Variants in BCL9L observed in about 807,000 individuals in gnomAD.
The protein encoded by BCL9L is BCL9 like.
In BCL9L, 19 loss-of-function variants were observed where a neutral mutation model predicts 99.4. The ratio of observed to expected loss-of-function variants is 0.19; its 90% CI spans 0.13 to 0.28. The LOEUF (loss-of-function observed/expected upper bound fraction) is 0.28, where lower values mean the gene tolerates loss of function less well. Ranked by LOEUF, BCL9L falls within the 10% of genes least tolerant of loss-of-function variation. The pLI is 1.00. For missense variants in BCL9L, 2,023 were observed against 2,101.6 expected, an observed-to-expected ratio of 0.96 and a Z score of 0.73; for synonymous variants, 900 against 854.8, an observed-to-expected ratio of 1.05 and a Z score of -0.92.
chr11:118,913,160 TCCC>T lies in BCL9L; in HGVS notation c.-76-3148_-76-3146del, dbSNP rs565850480. On this transcript the variant is annotated intron_variant, in intron 2 of 9. Transcript: ENST00000683865. ...CTGGTTCCTAGTAGCTCTCCACACTTCCCCCGACTCTGTGCCAAAGGAGACCAT... is the reference window on the plus strand; with the variant it reads ...CTGGTTCCTAGTAGCTCTCCACACTTCCGACTCTGTGCCAAAGGAGACCAT... 5.1e-3 allele frequency among the ~76,000 whole-genome samples: 775 copies of T among 152,196 alleles called. 1 individual carries two copies. The highest frequency in any genetic ancestry group is 0.017 in the Middle Eastern group (5 of 292).
intron 1 of BCL9L, among the ~76,000 whole-genome samples, chr11:118,923,849 GTC>G (rs1175272715): frequency 1.3e-5 from 2 of 152,194 alleles, no homozygotes; most frequent in Non-Finnish European, 2.9e-5. Flanking sequence ...CAGCCTCCCA[GTC>G]TCTCTCCCTG....
rs748737974 is a variant in BCL9L, at chr11:118,902,816, C to T, written c.927G>A (p.Pro309=). Residue 309 remains proline, a synonymous_variant, in exon 8 of 10, where the codon CCG becomes CCA. Coordinates refer to ENST00000683865, the MANE Select transcript of BCL9L (RefSeq NM_001378213.1). The surrounding 1 kb of genome is among the most constrained non-coding windows in gnomAD (Gnocchi z 7.8). ...GGGCACTGCCAGGGGCCGGGGGTGG[C>T]GGCGGCGGCAGTGGAGGTGGCTGGG... ...PQSQPPPLPP[P]PPPAPGSAPP... 16 of 1,547,216 alleles carry T rather than the reference C, an allele frequency of 1.0e-5. No homozygotes were observed. Among genetic ancestry groups the T allele is most frequent in the Middle Eastern group, 1.7e-4 (1 of 5,790 alleles).
intron 1 of BCL9L, among the ~76,000 whole-genome samples, chr11:118,919,294 G>A (rs1300526814): frequency 1.3e-5 from 2 of 151,608 alleles, no homozygotes; most frequent in South Asian, 4.2e-4. Flanking sequence ...GGGGAGGTTG[G>A]AGGACCCCAG....
chr11:118,905,161 AC>A (rs1940454124), intron 5 of BCL9L, among the ~76,000 whole-genome samples: 1 of 152,188 alleles, frequency 6.6e-6, no homozygotes, highest in African/African-American at 2.4e-5. Context: ...TGATGGCAGA[AC>A]TAGTCCTGTC....
chr11:118,905,236 C>T (rs777081499), intron 5 of BCL9L, among the ~76,000 whole-genome samples: 6 of 152,082 alleles, frequency 3.9e-5, no homozygotes, highest in South Asian at 2.1e-4. Flanking sequence ...AGGCCGGGCA[C>T]GGTGGCTTAT....
intron 5 of BCL9L, among the ~76,000 whole-genome samples, chr11:118,906,515 T>C (rs1940526351): frequency 6.6e-6 from 1 of 152,222 alleles, no homozygotes; most frequent in Non-Finnish European, 1.5e-5. Flanking sequence ...ATTGGCATCA[T>C]GATAACACTG....
chr11:118,898,545 C>G lies in BCL9L; in HGVS notation c.4370G>C (p.Gly1457Ala). Residue 1457 changes from glycine to alanine, a missense_variant, in exon 10 of 10, where the codon GGC becomes GCC. Transcript: ENST00000683865. Reference protein sequence around the residue: ...SQPPHMLSPQGSLMGPPPQQN... With the variant: ...SQPPHMLSPQASLMGPPPQQN... ...CTGGGGCGGGGGGCCCATGAGGGAG[C>G]CCTGCGGGGAGAGCATGTGGGGCGG... 6.2e-7 allele frequency: 1 copy of G among 1,603,534 alleles called. No individual in the cohort carries two copies. Among genetic ancestry groups the G allele is most frequent in the Non-Finnish European group, 8.5e-7 (1 of 1,173,730 alleles).
At position 118,901,366 on chromosome 11, in the gene BCL9L, G is replaced by C; in HGVS notation, c.2377C>G (p.Gln793Glu). ...CGCATCTTCTGCGACATCAGCATCT[G>C]CTGCTGCGGGGTCATCTGCACGTTC... ...NLNVQMTPQQ[Q>E]MLMSQKMRGP... The change falls in exon 8 of 10, where the codon CAG (glutamine) becomes GAG (glutamate). Residue 793 changes from glutamine to glutamate, a missense_variant. By Grantham distance (29) the Gln-to-Glu change is conservative. Coordinates refer to ENST00000683865, the MANE Select transcript of BCL9L (RefSeq NM_001378213.1). The surrounding 1 kb of genome is among the most constrained non-coding windows in gnomAD (Gnocchi z 6.6). The C allele has an allele frequency of 6.2e-7, 1 of 1,613,834 alleles. No homozygotes were observed. Among genetic ancestry groups the C allele is most frequent in the Non-Finnish European group, 8.5e-7 (1 of 1,179,958 alleles).
At position 118,898,777 on chromosome 11, in the gene BCL9L, G is replaced by C; in HGVS notation, c.4138C>G (p.Gln1380Glu). ...TPSRPPNLPGQQGVQRGLNMS... is the reference protein window; with the variant it reads ...TPSRPPNLPGEQGVQRGLNMS... ...TTGAGCCCCCGCTGGACGCCCTGCT[G>C]GCCTGGGAGGTTGGGAGGCCGAGAG... Residue 1380 changes from glutamine to glutamate, a missense_variant, in exon 10 of 10, where the codon CAG becomes GAG. Around this residue, in one of 3 missense-constraint regions of BCL9L, gnomAD observed 902 missense variants for 888.2 expected, o/e 1.02. Coordinates refer to ENST00000683865, the MANE Select transcript of BCL9L (RefSeq NM_001378213.1). 6.2e-7 allele frequency: 1 copy of C among 1,613,932 alleles called. No homozygotes were observed. The highest frequency in any genetic ancestry group is 8.5e-7 in the Non-Finnish European group (1 of 1,180,006).
In BCL9L at chr11:118,898,874, G is replaced by A. The variant is rs370931863; in HGVS notation, c.4041C>T (p.Asn1347=). Residue 1347 remains asparagine, a synonymous_variant, in exon 10 of 10, where the codon AAC becomes AAT. Transcript: ENST00000683865. Reference sequence around the variant, plus strand: ...TAGGGGGCTGAGCCTTGGGGGGCTGGTTCTCGCTCTTGGGGAAGTACTGGA... The same window carrying A: ...TAGGGGGCTGAGCCTTGGGGGGCTGATTCTCGCTCTTGGGGAAGTACTGGA... The part of the protein sequence containing the change: ...STLQYFPKSE[N]QPPKAQPPNL... 3 of 1,614,096 alleles carry A rather than the reference G, an allele frequency of 1.9e-6. No individual in the cohort carries two copies. Among genetic ancestry groups the A allele is most frequent in the Non-Finnish European group, 2.5e-6 (3 of 1,179,990 alleles).
In BCL9L at chr11:118,898,586, G is replaced by GC. The variant is rs909903560; in HGVS notation, c.4328dup (p.Glu1444ArgfsTer73). ...TGTGGGGCGGCTGGCTGTAGACCTCGCCCCCCACGCCCCGCTGCTTCATCA... is the reference window on the plus strand; with the variant it reads ...TGTGGGGCGGCTGGCTGTAGACCTCGCCCCCCCACGCCCCGCTGCTTCATCA... On this transcript the variant is annotated frameshift_variant, in exon 10 of 10. Transcript: ENST00000683865. LOFTEE classifies it high-confidence loss of function. 4 of 1,611,082 alleles carry GC rather than the reference G, an allele frequency of 2.5e-6. No homozygotes were observed. Among genetic ancestry groups the GC allele is most frequent in the Non-Finnish European group, 3.4e-6 (4 of 1,179,124 alleles).
rs1940066407 is a variant in BCL9L, at chr11:118,898,989, T to A, written c.3926A>T (p.Glu1309Val). 6.2e-7 allele frequency: 1 copy of A among 1,613,686 alleles called. No individual in the cohort carries two copies. The highest frequency in any genetic ancestry group is 1.3e-5 in the African/African-American group (1 of 74,902). Residue 1309 changes from glutamate to valine, a missense_variant, in exon 10 of 10, where the codon GAG becomes GTG. By Grantham distance (121) the Glu-to-Val change is moderately radical. Transcript: ENST00000683865. The stretch of plus-strand genomic sequence containing the variant: ...GGTGGGCCGGATCACCTCGCTCAGC[T>A]CGGGGTCGTTCAGCACTGATGCCAC... ...PGVASVLNDP[E>V]LSEVIRPTPT...
rs1048643371 is a variant in BCL9L, at chr11:118,914,081, A to G, written c.-76-4066T>C. Among the ~76,000 whole-genome samples, 2 of 151,894 alleles carry G rather than the reference A, an allele frequency of 1.3e-5. No individual in the cohort carries two copies. Among genetic ancestry groups the G allele is most frequent in the South Asian group, 4.2e-4 (2 of 4,806 alleles). ...GGAGATGATCCAGGTGCCACTCTCT[A>G]CCCTATGGAGACTCCCATCTCAGGA... On this transcript the variant is annotated intron_variant, in intron 2 of 9. Coordinates refer to ENST00000683865, the MANE Select transcript of BCL9L (RefSeq NM_001378213.1). This position sits in a 1 kb window ranked among gnomAD's most constrained non-coding sequence, Gnocchi z 4.4.
At chr11:118,899,893 T>TG (rs1396627222) in intron 9 of BCL9L, 24 bp downstream of exon 9, 1 of 1,603,356 alleles carries the variant, frequency 6.2e-7, no homozygotes, top group African/African-American at 1.3e-5. Context: ...CTGGCCTCCC[T>TG]GGGGCCCTGG....
chr11:118,904,313 T>C (rs1316514111), intron 5 of BCL9L, among the ~76,000 whole-genome samples: 1 of 152,046 alleles, frequency 6.6e-6, no homozygotes, highest in Non-Finnish European at 1.5e-5. Flanking sequence ...TGGTGGCGCA[T>C]GGCTGTAATC....
rs536399357 is a variant in BCL9L, at chr11:118,921,101, G to C, written c.-130-2222C>G. Among the ~76,000 whole-genome samples, 115 of 152,092 alleles carry C rather than the reference G, an allele frequency of 7.6e-4. No homozygotes were observed. The highest frequency in any genetic ancestry group is 1.4e-3 in the Non-Finnish European group (98 of 68,026). On this transcript the variant is annotated intron_variant, in intron 1 of 9. Transcript: ENST00000683865. The surrounding 1 kb of genome is among the most constrained non-coding windows in gnomAD (Gnocchi z 5.4). The stretch of plus-strand genomic sequence containing the variant: ...CACATCCAAAGACGTTTCCTAAAAA[G>C]CACTCCAAATTCTCCAAGAGTGGCC...
Position 118,914,952 on chromosome 11 carries a change from A to T in BCL9L, c.-77+3874T>A, listed in dbSNP as rs1045401270. ...GGAGTTCAAGACCAGCCTGGCCATGATGGTGAAACCCTGTCTCTACTACAA... is the reference window on the plus strand; with the variant it reads ...GGAGTTCAAGACCAGCCTGGCCATGTTGGTGAAACCCTGTCTCTACTACAA... On this transcript the variant is annotated intron_variant, in intron 2 of 9. Transcript: ENST00000683865. The surrounding 1 kb of genome is among the most constrained non-coding windows in gnomAD (Gnocchi z 4.4). Among the ~76,000 whole-genome samples, 4 of 152,178 alleles carry T rather than the reference A, an allele frequency of 2.6e-5. No individual in the cohort carries two copies. The highest frequency in any genetic ancestry group is 1.3e-4 in the Admixed American group (2 of 15,280).
At position 118,908,473 on chromosome 11, in the gene BCL9L, A is replaced by C. The variant is rs1050000881; in HGVS notation, c.209T>G (p.Val70Gly). The C allele has an allele frequency of 1.9e-6, 3 of 1,613,992 alleles. No homozygotes were observed. Among genetic ancestry groups the C allele is most frequent in the Non-Finnish European group, 2.5e-6 (3 of 1,179,982 alleles). Residue 70 changes from valine (V) to glycine (G), a missense_variant, in exon 4 of 10, where the codon GTG becomes GGG. Transcript: ENST00000683865. ...QNVNQGPTCN[V>G]GSKGVGAGNH... ...CCCCGCCCCCACGCCCTTCGAGCCC[A>C]CGTTGCAGGTGGGTCCTTGGTTCAC...
intron 1 of BCL9L, among the ~76,000 whole-genome samples, chr11:118,920,965 G>A (rs1045588907): frequency 7.2e-5 from 11 of 152,144 alleles, no homozygotes; most frequent in African/African-American, 2.7e-4. Flanking sequence ...GAAGTGAAGC[G>A]CATGTGTGTG....
Sources: gnomAD v4.1 joint callset for allele counts (sites outside exome capture counted in the v4.1 genomes callset) on GRCh38, gnomAD v4.1.1 for gene constraint, gnomAD v4.1.1 regional missense constraint, Gnocchi (gnomAD v3.1) non-coding constraint, MANE v1.5 for transcripts, NCBI Gene and HGNC (gene_info 2026-07-23, HGNC 2026-07-21) for gene names.